The following PRG4 variants were observed in gnomAD, a reference collection of about 807,000 sequenced individuals.
PRG4 encodes the protein proteoglycan 4.
A neutral mutation model predicts 91.2 loss-of-function variants in PRG4; 61 were observed. That is an observed-to-expected ratio of 0.67 (90% confidence interval 0.54 to 0.83). The LOEUF (loss-of-function observed/expected upper bound fraction) is 0.83, where lower values mean the gene tolerates loss of function less well. Among genes scored for constraint, PRG4 ranks in the 40% least tolerant of loss-of-function variants. The pLI, the probability that PRG4 is intolerant of heterozygous loss-of-function variation, is 0.00. For synonymous variants in PRG4, 576 were observed against 614.2 expected, an observed-to-expected ratio of 0.94 and a Z score of 0.92; for missense variants, 1,564 against 1,714.2, an observed-to-expected ratio of 0.91 and a Z score of 1.55.
In PRG4 at chr1:186,308,312, G is replaced by A. The variant is rs775709538; in HGVS notation, c.2593G>A (p.Glu865Lys). The change falls in exon 7 of 13, where the codon GAG becomes AAG. Residue 865 changes from glutamate (E) to lysine (K), a missense_variant. By Grantham distance (56) the Glu-to-Lys change is moderately conservative. Transcript: ENST00000445192. ...GGTCTCTACTCCAACTACCACCAAGGAGCCTACCACTATCCACAAAAGCCC... is the reference window on the plus strand; with the variant it reads ...GGTCTCTACTCCAACTACCACCAAGAAGCCTACCACTATCCACAAAAGCCC... ...SEVSTPTTTK[E>K]PTTIHKSPDE... is the part of the protein sequence containing the mutation. The A allele has an allele frequency of 5.6e-6, 9 of 1,613,656 alleles. No homozygotes were observed. Among genetic ancestry groups the A allele is most frequent in the Non-Finnish European group, 7.6e-6 (9 of 1,180,004 alleles).
At position 186,313,743 on chromosome 1, in the gene PRG4, C is replaced by A; in HGVS notation, c.4180C>A (p.Gln1394Lys). The A allele has an allele frequency of 1.9e-6, 3 of 1,609,150 alleles. No individual in the cohort carries two copies. The highest frequency in any genetic ancestry group is 2.6e-6 in the Non-Finnish European group (3 of 1,175,672). The stretch of plus-strand genomic sequence containing the variant: ...AAGAGCAATTACTACTCGTTCTGGG[C>A]AGACCTTATCCAAAGTCTGGTACAA... The part of the protein sequence containing the change: ...TARAITTRSG[Q>K]TLSKVWYNCP The change falls in exon 13 of 13, where the codon CAG becomes AAG. Residue 1394 changes from glutamine to lysine, a missense_variant. Transcript: ENST00000445192.
In PRG4 at chr1:186,308,208, C is replaced by A; in HGVS notation, c.2489C>A (p.Thr830Asn). Residue 830 changes from threonine (T) to asparagine (N), a missense_variant, in exon 7 of 13, where the codon ACC becomes AAC. Physicochemically the swap from Thr to Asn is moderately conservative, Grantham distance 65. Coordinates refer to ENST00000445192, the MANE Select transcript of PRG4 (RefSeq NM_005807.6). ...PTTPKETAPT[T>N]PKEPAPTTPK... ...ACACCTAAGGAGACTGCTCCAACTA[C>A]CCCCAAGGAGCCTGCACCCACTACC... The A allele has an allele frequency of 6.2e-7, 1 of 1,612,300 alleles. No individual in the cohort carries two copies. Among genetic ancestry groups the A allele is most frequent in the Non-Finnish European group, 8.5e-7 (1 of 1,179,396 alleles).
At chr1:186,309,194 T>C in intron 7 of PRG4, 54 bp downstream of exon 7, 2 of 1,530,980 alleles carry the variant, frequency 1.3e-6, no homozygotes, top group Non-Finnish European at 1.8e-6. Context: ...AGTTTACATC[T>C]ATCTGAACCA....
rs1656718812 is a variant in PRG4, at chr1:186,307,353, C to T, written c.1634C>T (p.Ala545Val). ...CCTGCACCCACCACTACCAAGTCTG[C>T]ACCCACCACTCCCAAGGAGCCTTCA... ...KEPAPTTTKS[A>V]PTTPKEPSPT... is the part of the protein sequence containing the mutation. The change falls in exon 7 of 13, where the codon GCA becomes GTA. Residue 545 changes from alanine (A) to valine (V), a missense_variant. Ala to Val is a moderately conservative substitution (Grantham distance 64). Around this residue, in one of 3 missense-constraint regions of PRG4, gnomAD observed 1,079 missense variants for 1,162.2 expected, o/e 0.93. Transcript: ENST00000445192. 1 of 1,600,608 alleles carries T rather than the reference C, an allele frequency of 6.2e-7. No individual in the cohort carries two copies. Among genetic ancestry groups the T allele is most frequent in the Non-Finnish European group, 8.5e-7 (1 of 1,176,478 alleles).
chr1:186,313,156 T>C, intron 12 of PRG4: 1 of 487,060 alleles, frequency 2.1e-6, no homozygotes, highest in East Asian at 3.6e-5. Context: ...GACAATAGTA[T>C]TTTACTTCTA....
Position 186,307,746 on chromosome 1 carries a change from C to T in PRG4, c.2027C>T (p.Thr676Ile), listed in dbSNP as rs769965175. The change falls in exon 7 of 13, where the codon ACC becomes ATC. Residue 676 changes from threonine (T) to isoleucine (I), a missense_variant. Thr to Ile is a moderately conservative substitution (Grantham distance 89, BLOSUM62 -1). Around this residue, in one of 3 missense-constraint regions of PRG4, gnomAD observed 1,079 missense variants for 1,162.2 expected, o/e 0.93. Coordinates refer to ENST00000445192, the MANE Select transcript of PRG4 (RefSeq NM_005807.6). The stretch of plus-strand genomic sequence containing the variant: ...ACTCCCAAGGCAGCGGCTCCCAACA[C>T]CCCTAAGGAGCCTGCTCCAACTACC... Reference protein sequence around the residue: ...PTTPKAAAPNTPKEPAPTTPK... With the variant: ...PTTPKAAAPNIPKEPAPTTPK... 3.1e-6 allele frequency: 5 copies of T among 1,610,290 alleles called. No homozygotes were observed. In the African/African-American group the frequency reaches 4.0e-5, roughly 13 times the overall value.
chr1:186,307,107 C>A lies in PRG4; in HGVS notation c.1388C>A (p.Thr463Asn), dbSNP rs772917547. 2.5e-6 allele frequency: 4 copies of A among 1,590,864 alleles called. 1 individual carries two copies. In the South Asian group the frequency reaches 4.5e-5, roughly 18 times the overall value. ...PTTPKEPTPT[T>N]PKEPAPTTKE... Reference sequence around the variant, plus strand: ...ACTCCCAAGGAGCCTACACCCACCACTCCCAAGGAGCCTGCACCCACCACC... The same window carrying A: ...ACTCCCAAGGAGCCTACACCCACCAATCCCAAGGAGCCTGCACCCACCACC... Residue 463 changes from threonine to asparagine, a missense_variant, in exon 7 of 13, where the codon ACT becomes AAT. By Grantham distance (65) the Thr-to-Asn change is moderately conservative. Coordinates refer to ENST00000445192, the MANE Select transcript of PRG4 (RefSeq NM_005807.6).
rs1656931326 is a variant in PRG4, at chr1:186,308,666, C to A, written c.2947C>A (p.Pro983Thr). 1.9e-6 allele frequency: 3 copies of A among 1,611,668 alleles called. No homozygotes were observed. The African/African-American group carries it at 4.0e-5, about 22-fold the overall frequency. The stretch of plus-strand genomic sequence containing the variant: ...TACTCTTAAAACAACTACTCTTGCA[C>A]CCAAAGTAACTACAACAAAAAAGAC... ...ITTLKTTTLA[P>T]KVTTTKKTIT... The change falls in exon 7 of 13, where the codon CCC becomes ACC. Residue 983 changes from proline to threonine, a missense_variant. Physicochemically the swap from Pro to Thr is conservative, Grantham distance 38. Transcript: ENST00000445192.
rs745843928 is a variant in PRG4 at position 186,308,035 on chromosome 1, G to T, written c.2316G>T (p.Glu772Asp). 1.9e-6 allele frequency: 3 copies of T among 1,606,912 alleles called. No homozygotes were observed. In the South Asian group the frequency reaches 3.3e-5, roughly 18 times the overall value. ...AGCCTGCTCCAACTACCCCTAAGGA[G>T]CCTGCTCCAACTACCCCTAAGGGGA... is the stretch of plus-strand genomic sequence containing the variant. ...PKEPAPTTPKEPAPTTPKGTA... is the reference protein window; with the variant it reads ...PKEPAPTTPKDPAPTTPKGTA... The change falls in exon 7 of 13, where the codon GAG (glutamate) becomes GAT (aspartate). Residue 772 changes from glutamate to aspartate, a missense_variant. Transcript: ENST00000445192.
intron 3 of PRG4, among the ~76,000 whole-genome samples, 161 bp from the exon 4 acceptor site, chr1:186,301,431 C>T (rs1211513985): frequency 6.6e-6 from 1 of 152,078 alleles, no homozygotes; most frequent in African/African-American, 2.4e-5. Context: ...ATCTGGGATA[C>T]CATCTAATTT....
chr1:186,304,219 A>AGAC lies in PRG4; in HGVS notation c.432_434dup (p.Thr145dup). Reference sequence around the variant, plus strand: ...TCACCCAAACCACCAAACAAGAAGAAGACTAAGAAAGTTATAGAATCAGAG... The same window carrying AGAC: ...TCACCCAAACCACCAAACAAGAAGAAGACGACTAAGAAAGTTATAGAATCAGAG... On this transcript the variant is annotated inframe_insertion, in exon 5 of 13. Coordinates refer to ENST00000445192, the MANE Select transcript of PRG4 (RefSeq NM_005807.6). 6.2e-7 allele frequency: 1 copy of AGAC among 1,613,778 alleles called. No individual in the cohort carries two copies. The highest frequency in any genetic ancestry group is 8.5e-7 in the Non-Finnish European group (1 of 1,179,650).
intron 3 of PRG4, 102 bp downstream of exon 3, chr1:186,300,315 G>T: frequency 6.8e-7 from 1 of 1,472,946 alleles, no homozygotes; most frequent in East Asian, 2.3e-5. Context: ...GCCTCCCCTT[G>T]CACCCACTTG....
chr1:186,312,741 T>G (rs1227036589), intron 11 of PRG4, 28 bp from the exon 12 acceptor site: 1 of 1,608,278 alleles, frequency 6.2e-7, no homozygotes, highest in Non-Finnish European at 8.5e-7. Context: ...TTTAATCTGG[T>G]ATCTTTTATT....
chr1:186,313,621 AT>A, intron 12 of PRG4, 59 bp from the exon 13 acceptor site: 1 of 982,154 alleles, frequency 1.0e-6, no homozygotes, highest in East Asian at 2.4e-5. Flanking sequence ...AACATAAGTT[AT>A]TTTTTAGTTT....
At position 186,307,907 on chromosome 1, in the gene PRG4, C is replaced by A; in HGVS notation, c.2188C>A (p.Pro730Thr). The A allele has an allele frequency of 6.2e-7, 1 of 1,610,674 alleles. No individual in the cohort carries two copies. The highest frequency in any genetic ancestry group is 1.4e-5 in the African/African-American group (1 of 73,900). ...ACCCACTACTCCCAAGAAGCCTGCCCCCAAGGAGCTTGCACCCACCACCAC... is the reference window on the plus strand; with the variant it reads ...ACCCACTACTCCCAAGAAGCCTGCCACCAAGGAGCTTGCACCCACCACCAC... ...PAPTTPKKPA[P>T]KELAPTTTKE... The change falls in exon 7 of 13, where the codon CCC becomes ACC. Residue 730 changes from proline (P) to threonine (T), a missense_variant. Coordinates refer to ENST00000445192, the MANE Select transcript of PRG4 (RefSeq NM_005807.6).
chr1:186,305,533 C>T (rs991511056), intron 6 of PRG4, among the ~76,000 whole-genome samples: 5 of 152,282 alleles, frequency 3.3e-5, no homozygotes, highest in Middle Eastern at 3.4e-3. Context: ...AATATATATT[C>T]TCTTTCTCCA....
At chr1:186,300,028 T>A (rs1049060533) in intron 2 of PRG4, 63 bp from the exon 3 acceptor site, 1 of 1,587,444 alleles carries the variant, frequency 6.3e-7, no homozygotes, top group Non-Finnish European at 8.6e-7. Context: ...GTCCCCCTCG[T>A]TAGATTGCTC....
At chr1:186,298,143 G>T (rs1053552919) in intron 2 of PRG4, among the ~76,000 whole-genome samples, 1 of 152,200 alleles carries the variant, frequency 6.6e-6, no homozygotes, top group African/African-American at 2.4e-5. Context: ...CATTCTGGGA[G>T]GCCTAGGGAG....
Position 186,314,360 on chromosome 1 carries a change from A to G in PRG4, c.*582A>G. Reference sequence around the variant, plus strand: ...TACAACAAATGAATATAACACTATAACACTTCATATTTTCCAAATCTTAAT... The same window carrying G: ...TACAACAAATGAATATAACACTATAGCACTTCATATTTTCCAAATCTTAAT... On this transcript the variant is annotated 3_prime_UTR_variant, in exon 13 of 13. Transcript: ENST00000445192. 5.5e-6 allele frequency: 2 copies of G among 365,734 alleles called. No individual in the cohort carries two copies. The highest frequency in any genetic ancestry group is 9.7e-6 in the Non-Finnish European group (2 of 205,196). The allele number at this position is 365,734 out of a possible 1,614,324, so 22.7% of individuals were successfully genotyped here.
Sources: gnomAD v4.1 joint callset for allele counts (sites outside exome capture counted in the v4.1 genomes callset) on GRCh38, gnomAD v4.1.1 for gene constraint, gnomAD v4.1.1 regional missense constraint, MANE v1.5 for transcripts, NCBI Gene and HGNC (gene_info 2026-07-23, HGNC 2026-07-21) for gene names.